The following UGGT2 variants were observed in gnomAD, a reference collection of about 807,000 sequenced individuals.
The protein encoded by UGGT2 is UDP-glucose glycoprotein glucosyltransferase 2, also known as UDP-glucose:glycoprotein glucosyltransferase 2.
UGGT2 carries 180 observed loss-of-function variants against 192.1 expected under a neutral mutation model. The ratio of observed to expected loss-of-function variants is 0.94; its 90% CI spans 0.83 to 1.06. UGGT2 has a LOEUF of 1.06. UGGT2 is among the 50% of genes least tolerant of loss of function. The probability of loss-of-function intolerance (pLI) is 0.00; values close to 1 mark genes in which losing one functional copy is unlikely to be tolerated. For synonymous variants in UGGT2, 580 were observed against 591.0 expected, an observed-to-expected ratio of 0.98 and a Z score of 0.27; for missense variants, 1,849 against 1,795.7, an observed-to-expected ratio of 1.03 and a Z score of -0.54.
At chr13:95,883,994 C>T (rs1480450365) in intron 27 of UGGT2, among the ~76,000 whole-genome samples, 5 of 144,052 alleles carry the variant, frequency 3.5e-5, no homozygotes, top group Non-Finnish European at 6.0e-5. Flanking sequence ...TGTAGTATAC[C>T]GCAAATTTTG....
chr13:95,858,539 T>TGGAA (rs984345645), intron 33 of UGGT2, among the ~76,000 whole-genome samples: 9 of 152,102 alleles, frequency 5.9e-5, no homozygotes, highest in African/African-American at 1.7e-4. Flanking sequence ...ACACTGTTGC[T>TGGAA]GGAAGAAATA....
At position 95,903,157 on chromosome 13, in the gene UGGT2, T is replaced by A; in HGVS notation, c.2296-97A>T. Reference sequence around the variant, plus strand: ...CCCATCCAGTTTGTTCACTGTATCATGCACCATCTTTCACTATCAAAGCCC... The same window carrying A: ...CCCATCCAGTTTGTTCACTGTATCAAGCACCATCTTTCACTATCAAAGCCC... On this transcript the variant is annotated intron_variant, in intron 20 of 38. Transcript: ENST00000376747. 4.2e-6 allele frequency: 5 copies of A among 1,182,806 alleles called. No homozygotes were observed. The South Asian group carries it at 6.4e-5, about 15-fold the overall frequency. 73.3% of individuals were successfully genotyped at this position (1,182,806 alleles called of 1,614,324 possible). A position where few individuals can be genotyped will look rare whatever the true frequency, so the allele number is the denominator to read the frequency against.
intron 22 of UGGT2, among the ~76,000 whole-genome samples, chr13:95,900,137 A>G (rs996763565): frequency 6.6e-6 from 1 of 152,150 alleles, no homozygotes; most frequent in African/African-American, 2.4e-5. Context: ...TGTGTCTACA[A>G]AGACTGCAAT....
At chr13:95,889,155 A>G (rs956026565) in intron 25 of UGGT2, among the ~76,000 whole-genome samples, 1 of 146,850 alleles carries the variant, frequency 6.8e-6, no homozygotes, top group Non-Finnish European at 1.5e-5. Context: ...ATGACTCTTC[A>G]TAGGAATAGG....
chr13:95,844,115 C>G (rs752812363), intron 36 of UGGT2, among the ~76,000 whole-genome samples: 5 of 152,108 alleles, frequency 3.3e-5, no homozygotes, highest in Non-Finnish European at 7.4e-5. Flanking sequence ...TGCCCGCCAC[C>G]ATGCCCAGCT....
intron 12 of UGGT2, among the ~76,000 whole-genome samples, chr13:95,962,090 C>T (rs1291521568): frequency 6.6e-6 from 1 of 151,836 alleles, no homozygotes; most frequent in Admixed American, 6.6e-5. Flanking sequence ...AAAAGCAGTG[C>T]CAATAAAGAA....
intron 2 of UGGT2, among the ~76,000 whole-genome samples, chr13:96,027,414 T>G (rs1392854746): frequency 6.6e-6 from 1 of 152,204 alleles, no homozygotes; most frequent in Non-Finnish European, 1.5e-5. Flanking sequence ...ATTGGGCTAT[T>G]TTGGCTGATT....
rs149081511 is a variant in UGGT2 at position 95,856,257 on chromosome 13, C to T, written c.3909G>A (p.Gln1303=). The T allele has an allele frequency of 5.6e-5, 90 of 1,613,758 alleles. 1 individual carries two copies. The East Asian group carries it at 1.6e-3, about 29-fold the overall frequency. Residue 1303 remains glutamine (Q), a synonymous_variant, in exon 34 of 39, where the codon CAG becomes CAA. Transcript: ENST00000376747. ...QYRWPRWLRQ[Q]TERQRIIWGY... The stretch of plus-strand genomic sequence containing the variant: ...CCCAAATAATCCTCTGTCTTTCAGT[C>T]TGTTGACGAAGCCAACGGGGCCACC...
chr13:96,049,778 T>C (rs1200941552), intron 1 of UGGT2, among the ~76,000 whole-genome samples: 1 of 152,170 alleles, frequency 6.6e-6, no homozygotes, highest in Non-Finnish European at 1.5e-5. Context: ...ACAAGGGATG[T>C]GAAGGACCTC....
At chr13:96,051,401 C>T (rs1424556914) in intron 1 of UGGT2, among the ~76,000 whole-genome samples, 1 of 152,100 alleles carries the variant, frequency 6.6e-6, no homozygotes, top group Non-Finnish European at 1.5e-5. Flanking sequence ...ATGGGTGCAG[C>T]ACACCAACAT....
At chr13:95,994,680 C>G (rs918846024) in intron 7 of UGGT2, among the ~76,000 whole-genome samples, 23 of 151,904 alleles carry the variant, frequency 1.5e-4, no homozygotes, top group Non-Finnish European at 3.2e-4. Context: ...CAATTATTTA[C>G]TTGACTTTTA....
At chr13:95,883,261 C>G (rs1002419379) in intron 27 of UGGT2, among the ~76,000 whole-genome samples, 7 of 152,138 alleles carry the variant, frequency 4.6e-5, no homozygotes, top group Admixed American at 1.3e-4. Context: ...TATAAACAAT[C>G]TTAACCAAAT....
intron 36 of UGGT2, among the ~76,000 whole-genome samples, chr13:95,842,170 T>C (rs924534021): frequency 4.6e-5 from 7 of 152,184 alleles, no homozygotes; most frequent in African/African-American, 1.7e-4. Flanking sequence ...TGTGTCCTTT[T>C]GCAATTGTTC....
intron 12 of UGGT2, among the ~76,000 whole-genome samples, chr13:95,962,812 C>G (rs61972934): frequency 6.6e-6 from 1 of 152,084 alleles, no homozygotes; most frequent in Non-Finnish European, 1.5e-5. Context: ...AAGGCATACC[C>G]GAGACCGGGT....
At chr13:96,031,608 C>T (rs532248646) in intron 2 of UGGT2, among the ~76,000 whole-genome samples, 3 of 152,276 alleles carry the variant, frequency 2.0e-5, no homozygotes, top group Non-Finnish European at 2.9e-5. Flanking sequence ...AGATGCACAC[C>T]ACCATGCCCA....
At chr13:95,989,231 T>C (rs562061544) in intron 8 of UGGT2, among the ~76,000 whole-genome samples, 10 of 151,802 alleles carry the variant, frequency 6.6e-5, no homozygotes, top group Non-Finnish European at 1.2e-4. Context: ...AGTATTATTA[T>C]AGTAATGTCA....
At chr13:95,974,394 C>T (rs905766045) in intron 10 of UGGT2, among the ~76,000 whole-genome samples, 2 of 152,186 alleles carry the variant, frequency 1.3e-5, no homozygotes, top group African/African-American at 2.4e-5. Flanking sequence ...GCACCTCATA[C>T]ATTCGTTTTA....
intron 12 of UGGT2, among the ~76,000 whole-genome samples, chr13:95,959,443 G>A (rs959735805): frequency 1.3e-5 from 2 of 152,136 alleles, no homozygotes; most frequent in East Asian, 3.9e-4. Flanking sequence ...ACCAACCATA[G>A]CCAGAGCCTG....
chr13:96,039,336 C>T (rs1327433050), intron 1 of UGGT2, among the ~76,000 whole-genome samples: 1 of 152,142 alleles, frequency 6.6e-6, no homozygotes, highest in Non-Finnish European at 1.5e-5. Flanking sequence ...CTAATACATT[C>T]CCCAAAACTT....
Sources: allele counts gnomAD v4.1 joint callset (sites outside exome capture counted in the v4.1 genomes callset), GRCh38; gene constraint gnomAD v4.1.1; transcripts MANE v1.5; gene names NCBI Gene and HGNC (gene_info 2026-07-23, HGNC 2026-07-21).